Variants in PTGER3 observed in about 807,000 individuals in gnomAD.
PTGER3 encodes prostaglandin E2 receptor EP3 subtype.
In PTGER3, 22 loss-of-function variants were observed where a neutral mutation model predicts 34.7. The ratio of observed to expected loss-of-function variants is 0.63; its 90% CI spans 0.45 to 0.91. PTGER3 has a LOEUF of 0.91. Among genes scored for constraint, PTGER3 ranks in the 40% least tolerant of loss-of-function variants. The pLI, the probability that PTGER3 is intolerant of heterozygous loss-of-function variation, is 0.00. For synonymous variants in PTGER3, 241 were observed against 230.1 expected (o/e 1.05, Z -0.43); for missense variants, 468 against 519.4 (o/e 0.90, Z 0.96).
Position 70,971,291 on chromosome 1 carries a change from C to G in PTGER3, c.*439G>C. The G allele has an allele frequency of 1.0e-6, 1 of 986,856 alleles. No homozygotes were observed. Among genetic ancestry groups the G allele is most frequent in the Non-Finnish European group, 1.2e-6 (1 of 830,988 alleles). 61.1% of individuals were successfully genotyped at this position (986,856 alleles called of 1,614,324 possible). On this transcript the variant is annotated 3_prime_UTR_variant, in exon 4 of 4. Transcript: ENST00000306666. ...ATATCCTATTAATTGAATTATCACT[C>G]TCAATATGTTGACTTTTCACCATCA...
At chr1:70,948,151 T>C (rs41485048), downstream of PTGER3, among the ~76,000 whole-genome samples, 20,468 of 151,986 alleles carry the variant, frequency 0.13, 1,728 homozygotes, top group African/African-American at 0.22. Context: ...ACATGAGCCT[T>C]TGAGATTTAT....
chr1:70,897,345 A>G (rs1475683254), intron 4 of PTGER3, among the ~76,000 whole-genome samples: 1 of 152,192 alleles, frequency 6.6e-6, no homozygotes, highest in African/African-American at 2.4e-5. Context: ...AATGAATAGT[A>G]AAAAAGAGGA....
intron 4 of PTGER3, among the ~76,000 whole-genome samples, chr1:70,914,591 A>G (rs539793685): frequency 6.6e-6 from 1 of 152,088 alleles, no homozygotes; most frequent in Admixed American, 6.5e-5. Context: ...CTGGGATTCT[A>G]CAAAAGAGCA....
At chr1:71,038,050 G>C (rs1659989454) in intron 1 of PTGER3, among the ~76,000 whole-genome samples, 1 of 152,172 alleles carries the variant, frequency 6.6e-6, no homozygotes, top group Admixed American at 6.5e-5. Flanking sequence ...ACAGCAATTA[G>C]TGCTCCACTT....
At chr1:70,884,588 C>T (rs1646458964) in intron 4 of PTGER3, among the ~76,000 whole-genome samples, 2 of 152,212 alleles carry the variant, frequency 1.3e-5, no homozygotes, top group African/African-American at 4.8e-5. Context: ...ACTTTGATTT[C>T]AGCCTAGTGA....
chr1:70,975,355 A>C (rs1054089314), intron 2 of PTGER3, among the ~76,000 whole-genome samples: 2 of 142,926 alleles, frequency 1.4e-5, no homozygotes, highest in Admixed American at 1.4e-4. Context: ...CACAGCAGAA[A>C]AACGATTCCT....
chr1:70,874,793 G>T (rs1420922647), intron 4 of PTGER3, among the ~76,000 whole-genome samples: 1 of 151,864 alleles, frequency 6.6e-6, no homozygotes, highest in Admixed American at 6.6e-5. Context: ...TAACAGATTT[G>T]TATAAGTGTT....
intron 2 of PTGER3, among the ~76,000 whole-genome samples, chr1:70,997,671 G>T (rs981957475): frequency 4.7e-4 from 71 of 152,266 alleles, no homozygotes; most frequent in African/African-American, 1.7e-3. Context: ...AGTGAACATA[G>T]AAATCATGAA....
chr1:70,852,856 C>T (rs771757558), exon 5 of PTGER3: 6 of 1,613,072 alleles, frequency 3.7e-6, no homozygotes, highest in Admixed American at 1.7e-5. Flanking sequence ...CCCCAAAATT[C>T]CTCCTGGAAA....
At chr1:71,001,391 A>C (rs1656473885) in intron 2 of PTGER3, among the ~76,000 whole-genome samples, 1 of 152,210 alleles carries the variant, frequency 6.6e-6, no homozygotes. Context: ...ATGAAGAGTA[A>C]AGCAAAAGGA....
At chr1:71,004,095 CA>C (rs1339035059) in intron 2 of PTGER3, among the ~76,000 whole-genome samples, 2 of 152,192 alleles carry the variant, frequency 1.3e-5, no homozygotes, top group African/African-American at 2.4e-5. Context: ...ATGTTCTTTG[CA>C]AAATCAGATT....
intron 2 of PTGER3, chr1:71,009,196 TG>T: frequency 4.1e-6 from 4 of 985,324 alleles, no homozygotes; most frequent in African/African-American, 3.5e-5. Context: ...ATTAAAATAC[TG>T]TTTGCCAGTT....
chr1:70,871,396 A>G (rs1394358086), intron 4 of PTGER3, among the ~76,000 whole-genome samples: 1 of 152,176 alleles, frequency 6.6e-6, no homozygotes, highest in Non-Finnish European at 1.5e-5. Flanking sequence ...CATCTCCAAC[A>G]CTGGAGATTA....
chr1:70,915,297 G>A (rs953491171), intron 4 of PTGER3, among the ~76,000 whole-genome samples: 3 of 151,666 alleles, frequency 2.0e-5, no homozygotes, highest in African/African-American at 7.3e-5. Context: ...TCTCTTTCAT[G>A]GAATGTGTTA....
intron 2 of PTGER3, among the ~76,000 whole-genome samples, chr1:70,984,786 T>C (rs185880672): frequency 6.7e-4 from 102 of 152,202 alleles, no homozygotes; most frequent in African/African-American, 2.4e-3. Flanking sequence ...ACTCACATCT[T>C]AGTTGATAAT....
intron 4 of PTGER3, among the ~76,000 whole-genome samples, chr1:70,899,219 A>C (rs960661990): frequency 2.0e-5 from 3 of 152,210 alleles, no homozygotes; most frequent in Non-Finnish European, 4.4e-5. Flanking sequence ...CTGGAGATTC[A>C]GTCCATGATT....
intron 4 of PTGER3, among the ~76,000 whole-genome samples, chr1:70,874,563 G>C (rs1050169718): frequency 2.6e-5 from 4 of 151,988 alleles, no homozygotes; most frequent in African/African-American, 9.7e-5. Context: ...TGTTTTCTCT[G>C]TCTGGTTCTT....
chr1:70,954,836 T>G (rs1379555288), intron 2 of PTGER3, among the ~76,000 whole-genome samples: 1 of 134,174 alleles, frequency 7.5e-6, no homozygotes, highest in African/African-American at 2.5e-5. Context: ...AAAAAACACA[T>G]GACCGTTAAA....
At chr1:71,031,868 T>C (rs998875655) in intron 1 of PTGER3, among the ~76,000 whole-genome samples, 5 of 152,224 alleles carry the variant, frequency 3.3e-5, no homozygotes, top group African/African-American at 1.2e-4. Context: ...CTTCCTGATA[T>C]TGATCTGTAG....
Sources: allele counts gnomAD v4.1 joint callset (sites outside exome capture counted in the v4.1 genomes callset), GRCh38; gene constraint gnomAD v4.1.1; transcripts MANE v1.5; gene names NCBI Gene and HGNC (gene_info 2026-07-23, HGNC 2026-07-21).